Variants in ZBTB5 observed in about 807,000 individuals in gnomAD.
ZBTB5 encodes zinc finger and BTB domain-containing protein 5.
In ZBTB5, 15 loss-of-function variants were observed where a neutral mutation model predicts 37.9. The ratio of observed to expected loss-of-function variants is 0.40; its 90% CI spans 0.26 to 0.61. ZBTB5 has a LOEUF of 0.61. Ranked by LOEUF, ZBTB5 falls within the 20% of genes least tolerant of loss-of-function variation. ZBTB5 has a pLI of 0.47. For missense variants in ZBTB5, 708 were observed against 856.8 expected, an observed-to-expected ratio of 0.83 and a Z score of 2.17; for synonymous variants, 315 against 312.4, an observed-to-expected ratio of 1.01 and a Z score of -0.09.
rs1824111609 is a variant in ZBTB5, at chr9:37,451,887, T to C, written c.-4-9332A>G. On this transcript the variant is annotated intron_variant, in intron 1 of 1. Coordinates refer to ENST00000307750, the MANE Select transcript of ZBTB5 (RefSeq NM_014872.3). ...GGCAGGTCCAGGTGGGGCCATCCAG[T>C]TGTCAGAAATGCAAAAGCCTGAAAA... Among the ~76,000 whole-genome samples the C allele has an allele frequency of 3.3e-5, 5 of 152,012 alleles. No homozygotes were observed. The South Asian group carries it at 1.0e-3, about 32-fold the overall frequency.
intron 1 of ZBTB5, among the ~76,000 whole-genome samples, chr9:37,451,491 G>T (rs1214295270): frequency 2.7e-5 from 4 of 149,606 alleles, no homozygotes; most frequent in African/African-American, 9.9e-5. Context: ...CTGGGAGATG[G>T]AGATTGCACT....
intron 1 of ZBTB5, among the ~76,000 whole-genome samples, chr9:37,454,447 G>A (rs913377091): frequency 6.6e-6 from 1 of 152,070 alleles, no homozygotes; most frequent in Non-Finnish European, 1.5e-5. Context: ...AGGAGAGTGT[G>A]GCAAGCAATC....
intron 1 of ZBTB5, among the ~76,000 whole-genome samples, chr9:37,463,368 C>G (rs1268018926): frequency 1.3e-5 from 2 of 152,102 alleles, no homozygotes; most frequent in East Asian, 3.8e-4. Flanking sequence ...AGAAAAATCA[C>G]ACGCTTAAAA....
At chr9:37,442,941 G>A (rs183088918) in intron 1 of ZBTB5, among the ~76,000 whole-genome samples, 1 of 152,344 alleles carries the variant, frequency 6.6e-6, no homozygotes, top group East Asian at 1.9e-4. Context: ...CAAAGTCTTA[G>A]GAACCCTAAA....
Position 37,456,935 on chromosome 9 carries a change from T to A in ZBTB5, c.-5+8280A>T, listed in dbSNP as rs888504506. 7.9e-5 allele frequency among the ~76,000 whole-genome samples: 12 copies of A among 152,334 alleles called. No homozygotes were observed. In the East Asian group the frequency reaches 2.3e-3, roughly 29 times the overall value. The stretch of plus-strand genomic sequence containing the variant: ...TATCCAAAATAAAGATCAAAGACTA[T>A]GGATGAAAGATTTTCTCATAGGAAA... On this transcript the variant is annotated intron_variant, in intron 1 of 1. Coordinates refer to ENST00000307750, the MANE Select transcript of ZBTB5 (RefSeq NM_014872.3).
At chr9:37,456,071 C>G (rs1359523863) in intron 1 of ZBTB5, among the ~76,000 whole-genome samples, 1 of 152,038 alleles carries the variant, frequency 6.6e-6, no homozygotes, top group Non-Finnish European at 1.5e-5. Flanking sequence ...CCACCTCAGC[C>G]TCCTGGGTAG....
intron 1 of ZBTB5, among the ~76,000 whole-genome samples, chr9:37,459,572 C>A (rs78233182): frequency 1.4e-5 from 2 of 138,868 alleles, no homozygotes; most frequent in African/African-American, 5.3e-5. Context: ...TTTTTTTTTT[C>A]AGGCAGAGTC....
chr9:37,463,987 A>G (rs1483557495), intron 1 of ZBTB5, among the ~76,000 whole-genome samples: 2 of 152,212 alleles, frequency 1.3e-5, no homozygotes, highest in Admixed American at 1.3e-4. Context: ...TGAGATTTCC[A>G]TAAGGGTTAA....
rs140047238 is a variant in ZBTB5, at chr9:37,447,221, A to C, written c.-4-4666T>G. ...CTTCACATGGTGGCAGAAGAGTGTG[A>C]GTGTGTGAAGGAGAAACTGTCACTT... On this transcript the variant is annotated intron_variant, in intron 1 of 1. Transcript: ENST00000307750. Among the ~76,000 whole-genome samples the C allele has an allele frequency of 4.7e-4, 72 of 152,326 alleles. No individual in the cohort carries two copies. In the East Asian group the frequency reaches 0.011, roughly 24 times the overall value.
chr9:37,450,445 T>G (rs115524235), intron 1 of ZBTB5, among the ~76,000 whole-genome samples: 2 of 152,306 alleles, frequency 1.3e-5, no homozygotes, highest in African/African-American at 4.8e-5. Context: ...AAAATTTTAA[T>G]TATATTTGGA....
At chr9:37,461,071 T>C (rs897043353) in intron 1 of ZBTB5, among the ~76,000 whole-genome samples, 20 of 152,216 alleles carry the variant, frequency 1.3e-4, no homozygotes, top group African/African-American at 4.6e-4. Flanking sequence ...AAATCAATAA[T>C]GCTCAGCAAG....
intron 1 of ZBTB5, among the ~76,000 whole-genome samples, chr9:37,458,393 G>C (rs191880576): frequency 6.6e-6 from 1 of 152,246 alleles, no homozygotes; most frequent in Non-Finnish European, 1.5e-5. Context: ...AAAAGCACTT[G>C]TGCAGTTTTT....
chr9:37,460,280 A>C (rs1355503439), intron 1 of ZBTB5, among the ~76,000 whole-genome samples: 4 of 152,050 alleles, frequency 2.6e-5, no homozygotes, highest in Non-Finnish European at 5.9e-5. Flanking sequence ...TCTGCCAAAA[A>C]TAAAAAATTA....
Position 37,442,573 on chromosome 9 carries a change from A to G in ZBTB5, c.-4-18T>C. Reference sequence around the variant, plus strand: ...CCATGATCCTACAGAAAAACAAAGAAAGAAAATGTTAAGACCTAGAAAAGC... The same window carrying G: ...CCATGATCCTACAGAAAAACAAAGAGAGAAAATGTTAAGACCTAGAAAAGC... On this transcript the variant is annotated intron_variant, in intron 1 of 1. Transcript: ENST00000307750. The G allele has an allele frequency of 1.3e-6, 2 of 1,569,876 alleles. No individual in the cohort carries two copies. The highest frequency in any genetic ancestry group is 1.7e-6 in the Non-Finnish European group (2 of 1,154,292).
At position 37,460,434 on chromosome 9, in the gene ZBTB5, TC is replaced by T. The variant is rs869037939; in HGVS notation, c.-5+4780del. On this transcript the variant is annotated intron_variant, in intron 1 of 1. Transcript: ENST00000307750. ...CAGCCTGGGCAATAAGAGTGAACACTCCCCCCCCAAAAAAATTAGGCCAGAT... is the reference window on the plus strand; with the variant it reads ...CAGCCTGGGCAATAAGAGTGAACACTCCCCCCCAAAAAAATTAGGCCAGAT... Among the ~76,000 whole-genome samples the T allele has an allele frequency of 2.1e-3, 302 of 144,584 alleles. 2 individuals are homozygous for T. Among genetic ancestry groups the T allele is most frequent in the African/African-American group, 7.4e-3 (287 of 38,626 alleles). 94.9% of individuals were successfully genotyped at this position (144,584 alleles called of 152,430 possible).
intron 1 of ZBTB5, among the ~76,000 whole-genome samples, chr9:37,445,206 G>A (rs1285689048): frequency 6.6e-6 from 1 of 152,188 alleles, no homozygotes; most frequent in East Asian, 1.9e-4. Context: ...ATATTGGGAG[G>A]ATGAGAGAAA....
chr9:37,456,305 A>G (rs1329853626), intron 1 of ZBTB5, among the ~76,000 whole-genome samples: 12 of 152,172 alleles, frequency 7.9e-5, no homozygotes, highest in Non-Finnish European at 1.8e-4. Flanking sequence ...GAGTACTGGA[A>G]CATCCATCCA....
At chr9:37,460,550 T>G (rs1247259798) in intron 1 of ZBTB5, among the ~76,000 whole-genome samples, 1 of 152,024 alleles carries the variant, frequency 6.6e-6, no homozygotes, top group African/African-American at 2.4e-5. Flanking sequence ...CAAAACCTTT[T>G]CTCTACAAAA....
intron 1 of ZBTB5, among the ~76,000 whole-genome samples, chr9:37,443,319 A>G (rs1178752245): frequency 6.6e-6 from 1 of 151,214 alleles, no homozygotes; most frequent in African/African-American, 2.4e-5. Flanking sequence ...ACAGAGTGAG[A>G]CTTCATCTCA....
Sources: gnomAD v4.1 joint callset for allele counts (sites outside exome capture counted in the v4.1 genomes callset) on GRCh38, gnomAD v4.1.1 for gene constraint, MANE v1.5 for transcripts, NCBI Gene and HGNC (gene_info 2026-07-23, HGNC 2026-07-21) for gene names.